Variants in DTWD1 observed in about 807,000 individuals in gnomAD.
The protein encoded by DTWD1 is DTW motif tRNA-uridine aminocarboxypropyltransferase 1.
A neutral mutation model predicts 30.2 loss-of-function variants in DTWD1; 27 were observed. The ratio of observed to expected loss-of-function variants is 0.90; its 90% confidence interval spans 0.66 to 1.23. The LOEUF is 1.23. DTWD1 is among the 50% of genes most tolerant of loss of function. The pLI, the probability that DTWD1 is intolerant of heterozygous loss-of-function variation, is 0.00. For synonymous variants in DTWD1, 99 were observed against 113.1 expected (o/e 0.88, Z 0.79); for missense variants, 342 against 348.8 (o/e 0.98, Z 0.15).
Position 49,650,771 on chromosome 15 carries a change from A to G in DTWD1, c.*7193A>G, listed in dbSNP as rs759743814. The G allele has an allele frequency of 6.6e-6, 1 of 151,756 alleles. No homozygotes were observed. The highest frequency in any genetic ancestry group is 1.5e-5 in the Non-Finnish European group (1 of 68,078). 9.4% of individuals were successfully genotyped at this position (151,756 alleles called of 1,614,324 possible). Reference sequence around the variant, plus strand: ...CAAAACCTTCCTCAGAGCTCCCTCTATTACAACTTAATTTCTTCTTCTGCC... The same window carrying G: ...CAAAACCTTCCTCAGAGCTCCCTCTGTTACAACTTAATTTCTTCTTCTGCC... On this transcript the variant is annotated 3_prime_UTR_variant, in exon 5 of 5. Transcript: ENST00000403028.
intron 4 of DTWD1, among the ~76,000 whole-genome samples, chr15:49,640,787 T>C (rs8041629): frequency 0.06 from 9,081 of 152,132 alleles, 707 homozygotes; most frequent in African/African-American, 0.18. Flanking sequence ...GTAGAAATTC[T>C]TTGTATATTC....
At chr15:49,633,045 A>ATATCTATATCTATATC (rs1555588593) in intron 3 of DTWD1, among the ~76,000 whole-genome samples, 4 of 99,916 alleles carry the variant, frequency 4.0e-5, no homozygotes, top group African/African-American at 1.2e-4. Flanking sequence ...ATTTATATCT[A>ATATCTATATCTATATC]TATCTATATA....
chr15:49,647,429 T>G lies in DTWD1; in HGVS notation c.*3851T>G, dbSNP rs2079126893. 1 of 152,180 alleles carries G rather than the reference T, an allele frequency of 6.6e-6. No individual in the cohort carries two copies. The allele number at this position is 152,180 out of a possible 1,614,324, so 9.4% of individuals were successfully genotyped here. On this transcript the variant is annotated 3_prime_UTR_variant, in exon 5 of 5. Transcript: ENST00000403028. The stretch of plus-strand genomic sequence containing the variant: ...ATTTCCATACCCATTGCCTTAATTT[T>G]GAGCTTGTCTGTTTCTTACATTTCT...
chr15:49,643,721 A>G lies in DTWD1; in HGVS notation c.*143A>G. 2 of 866,386 alleles carry G rather than the reference A, an allele frequency of 2.3e-6. No homozygotes were observed. Among genetic ancestry groups the G allele is most frequent in the African/African-American group, 1.8e-5 (1 of 57,040 alleles). The allele number at this position is 866,386 out of a possible 1,614,324, so 53.7% of individuals were successfully genotyped here. ...TCCAGTTTCATATATATCACTTCATATTTCTTGAAGGAAATTGTATCTGGG... is the reference window on the plus strand; with the variant it reads ...TCCAGTTTCATATATATCACTTCATGTTTCTTGAAGGAAATTGTATCTGGG... On this transcript the variant is annotated 3_prime_UTR_variant, in exon 5 of 5. Coordinates refer to ENST00000403028, the MANE Select transcript of DTWD1 (RefSeq NM_001144955.2).
rs989945714 is a variant in DTWD1 at position 49,651,070 on chromosome 15, C to T, written c.*7492C>T. The T allele has an allele frequency of 2.0e-5, 3 of 152,114 alleles. No individual in the cohort carries two copies. Among genetic ancestry groups the T allele is most frequent in the Non-Finnish European group, 4.4e-5 (3 of 68,010 alleles). The allele number at this position is 152,114 out of a possible 1,614,324, so 9.4% of individuals were successfully genotyped here. On this transcript the variant is annotated 3_prime_UTR_variant, in exon 5 of 5. Coordinates refer to ENST00000403028, the MANE Select transcript of DTWD1 (RefSeq NM_001144955.2). Reference sequence around the variant, plus strand: ...TGCAGTATATCAGGTATTTGAGACTCATGAAGGAAATAGTAAATTTAAGAA... The same window carrying T: ...TGCAGTATATCAGGTATTTGAGACTTATGAAGGAAATAGTAAATTTAAGAA...
chr15:49,639,883 C>G (rs749741186), intron 4 of DTWD1, among the ~76,000 whole-genome samples: 11 of 152,084 alleles, frequency 7.2e-5, no homozygotes, highest in Non-Finnish European at 7.4e-5. Context: ...ACTTCAAGCT[C>G]CAATTCCTTC....
rs934350248 is a variant in DTWD1, at chr15:49,647,077, A to G, written c.*3499A>G. ...GAAGAGATTTAGAGAAGCAGTGACT[A>G]ACTAGGTCAGCCGGAGATTCTCAAA... On this transcript the variant is annotated 3_prime_UTR_variant, in exon 5 of 5. Coordinates refer to ENST00000403028, the MANE Select transcript of DTWD1 (RefSeq NM_001144955.2). 2.0e-5 allele frequency: 3 copies of G among 152,224 alleles called. No homozygotes were observed. Among genetic ancestry groups the G allele is most frequent in the African/African-American group, 7.2e-5 (3 of 41,468 alleles). The allele number at this position is 152,224 out of a possible 1,614,324, so 9.4% of individuals were successfully genotyped here. A position where few individuals can be genotyped will look rare whatever the true frequency, so the allele number is the denominator to read the frequency against.
At chr15:49,642,642 G>A (rs2079078583) in intron 4 of DTWD1, among the ~76,000 whole-genome samples, 1 of 152,156 alleles carries the variant, frequency 6.6e-6, no homozygotes, top group African/African-American at 2.4e-5. Context: ...GCTGGGCACT[G>A]TAGCTCATGC....
At chr15:49,628,124 C>T (rs1042125352) in intron 2 of DTWD1, among the ~76,000 whole-genome samples, 2 of 151,996 alleles carry the variant, frequency 1.3e-5, no homozygotes, top group Non-Finnish European at 2.9e-5. Context: ...GACACAAACA[C>T]GTTACCCTAG....
chr15:49,646,281 T>C lies in DTWD1; in HGVS notation c.*2703T>C, dbSNP rs768098048. 4.6e-5 allele frequency: 7 copies of C among 152,330 alleles called. No homozygotes were observed. The highest frequency in any genetic ancestry group is 3.4e-3 in the Middle Eastern group (1 of 294). The allele number at this position is 152,330 out of a possible 1,614,324, so 9.4% of individuals were successfully genotyped here. ...TGTCTATTATGCCACCAATGTCTTATAGCTATTTATTGTGGCTATAGATAT... is the reference window on the plus strand; with the variant it reads ...TGTCTATTATGCCACCAATGTCTTACAGCTATTTATTGTGGCTATAGATAT... On this transcript the variant is annotated 3_prime_UTR_variant, in exon 5 of 5. Coordinates refer to ENST00000403028, the MANE Select transcript of DTWD1 (RefSeq NM_001144955.2).
chr15:49,643,306 C>CTG (rs1555592692), intron 4 of DTWD1, 25 bp from the exon 5 acceptor site: 1 of 1,200,954 alleles, frequency 8.3e-7, no homozygotes, highest in African/African-American at 1.9e-5. Flanking sequence ...TTCTTTCTTT[C>CTG]TTTTTTTTTT....
intron 4 of DTWD1, among the ~76,000 whole-genome samples, chr15:49,643,044 G>A (rs2079083505): frequency 6.6e-6 from 1 of 152,100 alleles, no homozygotes; most frequent in Non-Finnish European, 1.5e-5. Context: ...TGGAAGACAT[G>A]AATATCTTAA....
In DTWD1 at chr15:49,645,516, T is replaced by C. The variant is rs1209931005; in HGVS notation, c.*1938T>C. Reference sequence around the variant, plus strand: ...TAAAATAGATTTTTTTTTTCATGTTTAGAACTTGGCCCTGGGAATAGAGGA... The same window carrying C: ...TAAAATAGATTTTTTTTTTCATGTTCAGAACTTGGCCCTGGGAATAGAGGA... On this transcript the variant is annotated 3_prime_UTR_variant, in exon 5 of 5. Transcript: ENST00000403028. 6.6e-6 allele frequency: 1 copy of C among 152,160 alleles called. No individual in the cohort carries two copies. The highest frequency in any genetic ancestry group is 2.4e-5 in the African/African-American group (1 of 41,446). 9.4% of individuals were successfully genotyped at this position (152,160 alleles called of 1,614,324 possible). A position where few individuals can be genotyped will look rare whatever the true frequency, so the allele number is the denominator to read the frequency against.
chr15:49,650,859 A>G lies in DTWD1; in HGVS notation c.*7281A>G, dbSNP rs1465466467. 4 of 152,052 alleles carry G rather than the reference A, an allele frequency of 2.6e-5. No individual in the cohort carries two copies. The highest frequency in any genetic ancestry group is 5.9e-5 in the Non-Finnish European group (4 of 68,022). The allele number at this position is 152,052 out of a possible 1,614,324, so 9.4% of individuals were successfully genotyped here. On this transcript the variant is annotated 3_prime_UTR_variant, in exon 5 of 5. Coordinates refer to ENST00000403028, the MANE Select transcript of DTWD1 (RefSeq NM_001144955.2). ...TTTCTAATAAACATCTTACACCCCA[A>G]ACTCCATCTCAGCATTCCTCTTTAG...
Position 49,646,065 on chromosome 15 carries a change from T to C in DTWD1, c.*2487T>C, listed in dbSNP as rs940915260. The C allele has an allele frequency of 2.6e-4, 39 of 152,210 alleles. No individual in the cohort carries two copies. Among genetic ancestry groups the C allele is most frequent in the African/African-American group, 9.4e-4 (39 of 41,464 alleles). 9.4% of individuals were successfully genotyped at this position (152,210 alleles called of 1,614,324 possible). A position where few individuals can be genotyped will look rare whatever the true frequency, so the allele number is the denominator to read the frequency against. On this transcript the variant is annotated 3_prime_UTR_variant, in exon 5 of 5. Transcript: ENST00000403028. ...TGCTTCTGCTGTTGACATAAGAATATGCATGGCTGAGTTAGCCTGCTGGAG... is the reference window on the plus strand; with the variant it reads ...TGCTTCTGCTGTTGACATAAGAATACGCATGGCTGAGTTAGCCTGCTGGAG...
At position 49,655,640 on chromosome 15, in the gene DTWD1, C is replaced by T. The variant is rs2079173289; in HGVS notation, c.*12062C>T. 6.6e-6 allele frequency: 1 copy of T among 151,982 alleles called. No homozygotes were observed. The highest frequency in any genetic ancestry group is 1.5e-5 in the Non-Finnish European group (1 of 67,982). 9.4% of individuals were successfully genotyped at this position (151,982 alleles called of 1,614,324 possible). A position where few individuals can be genotyped will look rare whatever the true frequency, so the allele number is the denominator to read the frequency against. ...CCAAAAGATTATCTAGCCTACAGGG[C>T]CGATGAGGTATAGCTTGAAGTCATT... On this transcript the variant is annotated 3_prime_UTR_variant, in exon 5 of 5. Transcript: ENST00000403028.
intron 3 of DTWD1, 97 bp from the exon 4 acceptor site, chr15:49,634,438 AT>A (rs2078973386): frequency 1.7e-5 from 23 of 1,335,636 alleles, no homozygotes; most frequent in Non-Finnish European, 2.2e-5. Context: ...TATTTCTCAG[AT>A]ATTCAACATA....
Position 49,625,449 on chromosome 15 carries a change from T to C in DTWD1, c.264+18T>C, listed in dbSNP as rs1037303741. 1.6e-5 allele frequency: 25 copies of C among 1,598,600 alleles called. No homozygotes were observed. The highest frequency in any genetic ancestry group is 2.0e-5 in the Non-Finnish European group (24 of 1,171,620). On this transcript the variant is annotated intron_variant, in intron 2 of 4. Coordinates refer to ENST00000403028, the MANE Select transcript of DTWD1 (RefSeq NM_001144955.2). ...TTGTGAAGGTTAGTAAGAAATTTAA[T>C]TGTTTGAAAGTATGAAAATAGATTT... is the stretch of plus-strand genomic sequence containing the variant.
intron 3 of DTWD1, among the ~76,000 whole-genome samples, chr15:49,634,176 A>G (rs934921804): frequency 2.0e-5 from 3 of 152,188 alleles, no homozygotes. Context: ...TGAAAATGGC[A>G]TTTAATCATT....
Sources: gnomAD v4.1 joint callset for allele counts (sites outside exome capture counted in the v4.1 genomes callset) on GRCh38, gnomAD v4.1.1 for gene constraint, MANE v1.5 for transcripts, NCBI Gene and HGNC (gene_info 2026-07-23, HGNC 2026-07-21) for gene names.